The following AFG2A variants were observed in gnomAD, a reference collection of about 807,000 sequenced individuals.
AFG2A encodes AAA ATPase AFG2A, also known as ATPase family gene 2 protein homolog A.
chr4:123,243,618 G>A, the AFG2A span, among the ~76,000 whole-genome samples: 3 of 151,996 alleles, frequency 2.0e-5, no homozygotes, highest in Admixed American at 6.6e-5. Context: ...GCTGGGGGAG[G>A]GATAGCATTA....
chr4:122,980,466 A>T, the AFG2A span, among the ~76,000 whole-genome samples: 1 of 152,302 alleles, frequency 6.6e-6, no homozygotes, highest in African/African-American at 2.4e-5. Context: ...TGTAGTGAAC[A>T]TGAGAGTGCA....
chr4:123,262,452 C>T, the AFG2A span, among the ~76,000 whole-genome samples: 562 of 152,318 alleles, frequency 3.7e-3, 1 homozygote, highest in African/African-American at 0.013. Context: ...AACCAGGTCT[C>T]TCAGTTCCAC....
At chr4:123,035,085 G>T in the AFG2A span, among the ~76,000 whole-genome samples, 1 of 152,168 alleles carries the variant, frequency 6.6e-6, no homozygotes, top group African/African-American at 2.4e-5. Flanking sequence ...CCCTGAACTT[G>T]CCTGTTTCAC....
At chr4:122,963,276 G>A in the AFG2A span, among the ~76,000 whole-genome samples, 2 of 152,156 alleles carry the variant, frequency 1.3e-5, no homozygotes, top group African/African-American at 2.4e-5. Context: ...ACAGTAGAAA[G>A]GTCTTGGGAA....
chr4:122,948,588 G>A, the AFG2A span, among the ~76,000 whole-genome samples: 6 of 152,086 alleles, frequency 3.9e-5, no homozygotes, highest in African/African-American at 1.4e-4. Flanking sequence ...TAACTTCAGT[G>A]GGATGGTACC....
chr4:123,205,450 A>G, the AFG2A span, among the ~76,000 whole-genome samples: 1 of 144,656 alleles, frequency 6.9e-6, no homozygotes. Flanking sequence ...AATTTTTAAG[A>G]AAAAAAAACA....
chr4:123,226,503 G>A, the AFG2A span, among the ~76,000 whole-genome samples: 1 of 152,110 alleles, frequency 6.6e-6, no homozygotes, highest in Admixed American at 6.5e-5. Context: ...TTTATATGCT[G>A]GATTACATTT....
chr4:123,005,228 G>A, the AFG2A span, among the ~76,000 whole-genome samples: 1 of 152,080 alleles, frequency 6.6e-6, no homozygotes, highest in African/African-American at 2.4e-5. Flanking sequence ...ACAGCTCACT[G>A]TGACCTCTGC....
At chr4:122,924,961 A>G in the AFG2A span, among the ~76,000 whole-genome samples, 1 of 152,228 alleles carries the variant, frequency 6.6e-6, no homozygotes, top group African/African-American at 2.4e-5. Flanking sequence ...ATGAAGCAGT[A>G]ACAAATCGTT....
chr4:123,255,752 C>CCTCCTG, the AFG2A span, among the ~76,000 whole-genome samples: 1 of 136,506 alleles, frequency 7.3e-6, no homozygotes, highest in Non-Finnish European at 1.6e-5. Context: ...GAGACAGAGA[C>CCTCCTG]CTCCTGCTCC....
the AFG2A span, among the ~76,000 whole-genome samples, chr4:122,951,746 G>A: frequency 6.6e-6 from 1 of 152,154 alleles, no homozygotes; most frequent in Non-Finnish European, 1.5e-5. Context: ...TCAGTGGATG[G>A]CTGGATGGCT....
At chr4:122,938,285 T>C in the AFG2A span, 1 of 1,479,418 alleles carries the variant, frequency 6.8e-7, no homozygotes, top group South Asian at 1.5e-5. Flanking sequence ...TGTGTAGGGT[T>C]AATTCTTAAT....
the AFG2A span, among the ~76,000 whole-genome samples, chr4:123,042,861 A>G: frequency 1.2e-4 from 18 of 152,222 alleles, no homozygotes; most frequent in African/African-American, 4.3e-4. Context: ...TTACCTCTAA[A>G]TACACAATAA....
At chr4:123,166,616 C>G in the AFG2A span, among the ~76,000 whole-genome samples, 8 of 152,244 alleles carry the variant, frequency 5.3e-5, no homozygotes, top group African/African-American at 1.9e-4. Flanking sequence ...TTGTTTGGAT[C>G]TATGGATTTC....
the AFG2A span, among the ~76,000 whole-genome samples, chr4:123,027,292 C>G: frequency 6.6e-6 from 1 of 152,138 alleles, no homozygotes; most frequent in Non-Finnish European, 1.5e-5. Context: ...CTTCAGGGCC[C>G]TATGCTATGA....
At chr4:123,196,167 A>ATTT in the AFG2A span, among the ~76,000 whole-genome samples, 1,995 of 79,634 alleles carry the variant, frequency 0.025, 146 homozygotes, top group African/African-American at 0.085. Flanking sequence ...TGCCCAGCTA[A>ATTT]TTTTTTTTTT....
At chr4:123,300,543 C>T in the AFG2A span, among the ~76,000 whole-genome samples, 3 of 152,102 alleles carry the variant, frequency 2.0e-5, no homozygotes, top group Non-Finnish European at 4.4e-5. Flanking sequence ...GATAAGGAAA[C>T]AACTCCTTCA....
chr4:123,072,805 C>CA, the AFG2A span, among the ~76,000 whole-genome samples: 126,617 of 152,064 alleles, frequency 0.83, 53,881 homozygotes, highest in East Asian at 0.97. Context: ...ATGATTTATT[C>CA]AAATGCATTT....
chr4:123,184,754 T>C, the AFG2A span, among the ~76,000 whole-genome samples: 7 of 151,700 alleles, frequency 4.6e-5, no homozygotes, highest in Non-Finnish European at 8.8e-5. Context: ...GCCGGGATGG[T>C]CTCGATCTCC....
Sources: allele counts gnomAD v4.1 joint callset (sites outside exome capture counted in the v4.1 genomes callset), GRCh38; gene constraint gnomAD v4.1.1; transcripts MANE v1.5; gene names NCBI Gene and HGNC (gene_info 2026-07-23, HGNC 2026-07-21).